CCND3: variants seen among roughly 807,000 people sequenced by gnomAD.
The protein encoded by CCND3 is cyclin D3.
A neutral mutation model predicts 28.7 loss-of-function variants in CCND3; 9 were observed. The ratio of observed to expected loss-of-function variants is 0.31; its 90% CI spans 0.19 to 0.55. The LOEUF is 0.55. Ranked by LOEUF, CCND3 falls within the 20% of genes least tolerant of loss-of-function variation. CCND3 has a pLI of 0.93. For synonymous variants in CCND3, 164 were observed against 163.9 expected, an observed-to-expected ratio of 1.00 and a Z score of 0.00; for missense variants, 315 against 385.8, an observed-to-expected ratio of 0.82 and a Z score of 1.54.
At position 41,941,393 on chromosome 6, in the gene CCND3, C is replaced by T; in HGVS notation, c.198+59G>A. ...TGGGGACCGGGATGTCCCGACAGGGCGGCCCCGGTGTGTCCAGACCCGGGA... is the reference window on the plus strand; with the variant it reads ...TGGGGACCGGGATGTCCCGACAGGGTGGCCCCGGTGTGTCCAGACCCGGGA... On this transcript the variant is annotated intron_variant, in intron 1 of 4. Transcript: ENST00000372991. This position sits in a 1 kb window ranked among gnomAD's most constrained non-coding sequence, Gnocchi z 6.1. 2.5e-6 allele frequency: 4 copies of T among 1,579,068 alleles called. No individual in the cohort carries two copies. Among genetic ancestry groups the T allele is most frequent in the Admixed American group, 1.9e-5 (1 of 52,210 alleles).
chr6:42,028,366 G>A (rs1376926997), intron 1 of CCND3, among the ~76,000 whole-genome samples: 2 of 152,222 alleles, frequency 1.3e-5, no homozygotes, highest in Non-Finnish European at 2.9e-5. Context: ...TGGCCATGCT[G>A]GGCGAGGTGT....
At chr6:41,956,574 A>G (rs1003051284) in intron 1 of CCND3, among the ~76,000 whole-genome samples, 12 of 152,220 alleles carry the variant, frequency 7.9e-5, no homozygotes, top group African/African-American at 2.7e-4. Context: ...TAAACCCTTT[A>G]CAGCAAAGAA....
Position 41,941,800 on chromosome 6 carries a change from T to G in CCND3, c.-151A>C. The G allele has an allele frequency of 9.3e-6, 3 of 323,982 alleles. No individual in the cohort carries two copies. Among genetic ancestry groups the G allele is most frequent in the Non-Finnish European group, 1.1e-5 (2 of 186,242 alleles). The allele number at this position is 323,982 out of a possible 1,614,324, so 20.1% of individuals were successfully genotyped here. The stretch of plus-strand genomic sequence containing the variant: ...CCCGCCGCCCGCGCGCGCGCGCCGC[T>G]TCCCTGACAGGCGCCCCGCCCCTCG... On this transcript the variant is annotated 5_prime_UTR_variant, in exon 1 of 5. Transcript: ENST00000372991. The surrounding 1 kb of genome is among the most constrained non-coding windows in gnomAD (Gnocchi z 6.1).
chr6:41,983,555 C>T (rs1762405339), intron 1 of CCND3, among the ~76,000 whole-genome samples: 1 of 151,968 alleles, frequency 6.6e-6, no homozygotes, highest in South Asian at 2.1e-4. Flanking sequence ...CACCATGTGG[C>T]CAGGTGAGGT....
chr6:41,963,369 T>C (rs556255781), intron 1 of CCND3, among the ~76,000 whole-genome samples: 7 of 152,328 alleles, frequency 4.6e-5, no homozygotes, highest in African/African-American at 1.4e-4. Flanking sequence ...GCTACCCTAA[T>C]TGCTGACTAG....
chr6:42,002,954 G>A (rs1268510724), intron 1 of CCND3, among the ~76,000 whole-genome samples: 1 of 151,936 alleles, frequency 6.6e-6, no homozygotes, highest in African/African-American at 2.4e-5. Context: ...CCTGAGGTTG[G>A]GAGTTTGAGA....
chr6:42,021,972 G>A (rs1763724250), intron 1 of CCND3, among the ~76,000 whole-genome samples: 1 of 152,346 alleles, frequency 6.6e-6, no homozygotes, highest in African/African-American at 2.4e-5. Context: ...AGGGAAGAGA[G>A]ACGGAGAAGA....
chr6:42,008,157 G>A (rs1462612714), intron 1 of CCND3, among the ~76,000 whole-genome samples: 3 of 152,174 alleles, frequency 2.0e-5, no homozygotes, highest in African/African-American at 7.2e-5. Context: ...GAGGTGGGCA[G>A]ATCACCTCAG....
chr6:41,965,503 C>T (rs1410725408), intron 1 of CCND3, among the ~76,000 whole-genome samples: 2 of 152,156 alleles, frequency 1.3e-5, no homozygotes, highest in African/African-American at 2.4e-5. Context: ...GAGTGCACGC[C>T]TCTGGAAGTC....
chr6:41,936,844 A>G lies in CCND3; in HGVS notation c.575-149T>C, dbSNP rs1002018414. On this transcript the variant is annotated intron_variant, in intron 3 of 4. Transcript: ENST00000372991. This position sits in a 1 kb window ranked among gnomAD's most constrained non-coding sequence, Gnocchi z 4.4. The stretch of plus-strand genomic sequence containing the variant: ...CCAGCAGTGGGTGGGGCAAGATATC[A>G]GCAAGGGAGGAAGACAGGAAAGAGT... 1.4e-6 allele frequency: 1 copy of G among 721,764 alleles called. No homozygotes were observed. Among genetic ancestry groups the G allele is most frequent in the Non-Finnish European group, 2.3e-6 (1 of 437,962 alleles). The allele number at this position is 721,764 out of a possible 1,614,324, so 44.7% of individuals were successfully genotyped here.
At chr6:41,969,409 G>T (rs980365924) in intron 1 of CCND3, among the ~76,000 whole-genome samples, 4 of 152,104 alleles carry the variant, frequency 2.6e-5, no homozygotes, top group Non-Finnish European at 5.9e-5. Flanking sequence ...CCAGCTACTC[G>T]GGAGGCTGAG....
At chr6:41,953,246 CAG>C (rs1233622005) in intron 1 of CCND3, among the ~76,000 whole-genome samples, 1 of 140,820 alleles carries the variant, frequency 7.1e-6, no homozygotes. Context: ...GCCTGGGTGA[CAG>C]AGTGAGACTC....
At chr6:42,012,469 G>T (rs930056256) in intron 1 of CCND3, among the ~76,000 whole-genome samples, 1 of 148,818 alleles carries the variant, frequency 6.7e-6, no homozygotes, top group African/African-American at 2.6e-5. Flanking sequence ...CAGGTGTGAT[G>T]GTATGTGCTG....
At chr6:41,997,594 C>T (rs1455705672) in intron 1 of CCND3, among the ~76,000 whole-genome samples, 1 of 152,020 alleles carries the variant, frequency 6.6e-6, no homozygotes, top group Non-Finnish European at 1.5e-5. Flanking sequence ...AAAGTGGGAG[C>T]TCAAAACCAG....
chr6:41,950,019 C>T (rs1358252179), intron 1 of CCND3, among the ~76,000 whole-genome samples: 1 of 149,576 alleles, frequency 6.7e-6, no homozygotes, highest in Non-Finnish European at 1.5e-5. Context: ...AGGAGAATGG[C>T]GTGAACCCGG....
chr6:42,033,489 TACAC>T (rs144583266), intron 1 of CCND3, among the ~76,000 whole-genome samples: 1 of 149,632 alleles, frequency 6.7e-6, no homozygotes, highest in Non-Finnish European at 1.5e-5. Context: ...TATGCACACA[TACAC>T]ACACACACAC....
rs530410452 is a variant in CCND3 at position 41,974,165 on chromosome 6, A to C, written c.-45-33580T>G. ...GCCATTGCACTCTAGCCTGGGTAACAGAGCAAGACTCTGTCTCGAAGAAAC... is the reference window on the plus strand; with the variant it reads ...GCCATTGCACTCTAGCCTGGGTAACCGAGCAAGACTCTGTCTCGAAGAAAC... On this transcript the variant is annotated intron_variant, in intron 1 of 4. Coordinates refer to the CCND3 transcript ENST00000372988. Among the ~76,000 whole-genome samples, 3 of 152,336 alleles carry C rather than the reference A, an allele frequency of 2.0e-5. No homozygotes were observed. In the East Asian group the frequency reaches 5.8e-4, roughly 29 times the overall value.
intron 1 of CCND3, among the ~76,000 whole-genome samples, chr6:42,006,539 T>C (rs955606900): frequency 6.6e-6 from 1 of 151,766 alleles, no homozygotes; most frequent in African/African-American, 2.4e-5. Context: ...GGTATAGAAT[T>C]GAAAAAAAAC....
At chr6:42,008,640 C>T (rs574370496) in intron 1 of CCND3, among the ~76,000 whole-genome samples, 1 of 152,194 alleles carries the variant, frequency 6.6e-6, no homozygotes, top group Non-Finnish European at 1.5e-5. Context: ...TTCTATCCTG[C>T]TGAAATCTCC....
Sources: allele counts gnomAD v4.1 joint callset (sites outside exome capture counted in the v4.1 genomes callset), GRCh38; gene constraint gnomAD v4.1.1; non-coding constraint Gnocchi (gnomAD v3.1); transcripts MANE v1.5; gene names NCBI Gene and HGNC (gene_info 2026-07-23, HGNC 2026-07-21).